The following LIPE variants were observed in gnomAD, a reference collection of about 807,000 sequenced individuals.
LIPE encodes hormone-sensitive lipase.
Under a neutral mutation model 88.5 loss-of-function variants are expected in LIPE, and 66 were observed. The observed-to-expected ratio is 0.75, with a 90% CI of 0.61 to 0.91. The LOEUF is 0.91. LIPE is among the 40% of genes least tolerant of loss of function. The pLI is 0.00. For synonymous variants in LIPE, 570 were observed against 617.5 expected, an observed-to-expected ratio of 0.92 and a Z score of 1.14; for missense variants, 1,346 against 1,434.7, an observed-to-expected ratio of 0.94 and a Z score of 1.00.
rs775743191 is a variant in LIPE, at chr19:42,410,590, G to A, written c.1136C>T (p.Thr379Ile). 3 of 1,613,372 alleles carry A rather than the reference G, an allele frequency of 1.9e-6. No individual in the cohort carries two copies. The East Asian group carries it at 6.7e-5, about 36-fold the overall frequency. Residue 379 changes from threonine to isoleucine, a missense_variant, in exon 2 of 10, where the codon ACA becomes ATA. Transcript: ENST00000244289. This position sits in a 1 kb window ranked among gnomAD's most constrained non-coding sequence, Gnocchi z 6.1. Reference sequence around the variant, plus strand: ...GAGGTGCGCCAGGCAGCAGCGGGCTGTGTGCACTAGGCTGCGGTACCCGTT... The same window carrying A: ...GAGGTGCGCCAGGCAGCAGCGGGCTATGTGCACTAGGCTGCGGTACCCGTT... The part of the protein sequence containing the change: ...PANGYRSLVH[T>I]ARCCLAHLLH...
At position 42,423,527 on chromosome 19, in the gene LIPE, C is replaced by G. The variant is rs1394429320; in HGVS notation, c.883+2740G>C. On this transcript the variant is annotated intron_variant, in intron 1 of 9. Coordinates refer to ENST00000244289, the MANE Select transcript of LIPE (RefSeq NM_005357.4). ...GCCTCGGCGGGCTCCGTTCCCCCGG[C>G]CAACTCCATCAATTCCCCGCGGTCC... 5 of 1,261,276 alleles carry G rather than the reference C, an allele frequency of 4.0e-6. No individual in the cohort carries two copies. In the Admixed American group the frequency reaches 1.4e-4, roughly 34 times the overall value. The allele number at this position is 1,261,276 out of a possible 1,614,324, so 78.1% of individuals were successfully genotyped here. A position where few individuals can be genotyped will look rare whatever the true frequency, so the allele number is the denominator to read the frequency against.
chr19:42,404,287 A>G (rs777305906), intron 8 of LIPE, among the ~76,000 whole-genome samples: 2 of 150,240 alleles, frequency 1.3e-5, no homozygotes, highest in Non-Finnish European at 3.0e-5. Context: ...GCTTGAGTGC[A>G]GTGGCGTGAT....
chr19:42,405,619 G>A (rs755004917), intron 7 of LIPE, 58 bp from the exon 8 acceptor site: 12 of 1,523,024 alleles, frequency 7.9e-6, no homozygotes, highest in East Asian at 2.3e-5. Context: ...CAGTTTTAAC[G>A]CCCAGAACTT....
Position 42,407,042 on chromosome 19 carries a change from C to T in LIPE, c.2137+132G>A. 1.3e-6 allele frequency: 1 copy of T among 793,320 alleles called. No homozygotes were observed. The highest frequency in any genetic ancestry group is 1.9e-6 in the Non-Finnish European group (1 of 516,358). 49.1% of individuals were successfully genotyped at this position (793,320 alleles called of 1,614,324 possible). ...GGCTGAGGTGGAAGATTGGGCAGGA[C>T]CTGGGTGAGCAGGAGCTGGGAGGTG... is the stretch of plus-strand genomic sequence containing the variant. On this transcript the variant is annotated intron_variant, in intron 6 of 9. Coordinates refer to ENST00000244289, the MANE Select transcript of LIPE (RefSeq NM_005357.4). The surrounding 1 kb of genome is among the most constrained non-coding windows in gnomAD (Gnocchi z 5.8).
rs372514471 is a variant in LIPE at position 42,426,622 on chromosome 19, C to T, written c.528G>A (p.Thr176=). 1.5e-5 allele frequency: 25 copies of T among 1,614,202 alleles called. No individual in the cohort carries two copies. The highest frequency in any genetic ancestry group is 1.7e-4 in the Middle Eastern group (1 of 6,060). ...KREPSAPTES[T]SQETPEQSDK... is the part of the protein sequence containing the mutation. ...CTGACTGTTCAGGTGTCTCTTGGGACGTAGATTCAGTCGGGGCAGATGGCT... is the reference window on the plus strand; with the variant it reads ...CTGACTGTTCAGGTGTCTCTTGGGATGTAGATTCAGTCGGGGCAGATGGCT... Residue 176 remains threonine (T), a synonymous_variant, in exon 1 of 10, where the codon ACG becomes ACA. Coordinates refer to ENST00000244289, the MANE Select transcript of LIPE (RefSeq NM_005357.4).
rs35913880 is a variant in LIPE, at chr19:42,423,579, AG to A, written c.883+2687del. 9.0e-3 allele frequency: 10,954 copies of A among 1,220,128 alleles called. 712 individuals are homozygous for A. The African/African-American group carries it at 0.15, about 16-fold the overall frequency. The allele number at this position is 1,220,128 out of a possible 1,614,324, so 75.6% of individuals were successfully genotyped here. A position where few individuals can be genotyped will look rare whatever the true frequency, so the allele number is the denominator to read the frequency against. Reference sequence around the variant, plus strand: ...CCCGCGGGGGCCAATTCCAGCCGCGAGGCCCTGCCCGGAGGGCCAATCCTCG... The same window carrying A: ...CCCGCGGGGGCCAATTCCAGCCGCGAGCCCTGCCCGGAGGGCCAATCCTCG... On this transcript the variant is annotated intron_variant, in intron 1 of 9. Coordinates refer to ENST00000244289, the MANE Select transcript of LIPE (RefSeq NM_005357.4).
At chr19:42,404,874 T>A (rs1312822619) in intron 8 of LIPE, among the ~76,000 whole-genome samples, 6 of 152,150 alleles carry the variant, frequency 3.9e-5, no homozygotes, top group Admixed American at 6.5e-5. Context: ...ACTCTTTTTT[T>A]AAATTTTTTT....
Position 42,407,476 on chromosome 19 carries a change from T to C in LIPE, c.1843-8A>G. ...GCTGAGCTCCTCACTGTCCTGGGGG[T>C]GAGGAGGGAGACGGTGTGTGAGGTT... is the stretch of plus-strand genomic sequence containing the variant. On this transcript the variant is annotated splice_region_variant and splice_polypyrimidine_tract_variant and intron_variant, in intron 5 of 9. Transcript: ENST00000244289. This position sits in a 1 kb window ranked among gnomAD's most constrained non-coding sequence, Gnocchi z 5.8. The C allele has an allele frequency of 6.2e-7, 1 of 1,605,286 alleles. No homozygotes were observed. The highest frequency in any genetic ancestry group is 1.1e-5 in the South Asian group (1 of 90,504).
At position 42,407,601 on chromosome 19, in the gene LIPE, C is replaced by G. The variant is rs1424817351; in HGVS notation, c.1842+5G>C. On this transcript the variant is annotated splice_donor_5th_base_variant and intron_variant, in intron 5 of 9. Transcript: ENST00000244289. The surrounding 1 kb of genome is among the most constrained non-coding windows in gnomAD (Gnocchi z 5.8). ...CCCTGTCCCTGGCTGAGGCTGGAACCCTACCTGTCCTTCACGCAGGTCATA... is the reference window on the plus strand; with the variant it reads ...CCCTGTCCCTGGCTGAGGCTGGAACGCTACCTGTCCTTCACGCAGGTCATA... 6.2e-7 allele frequency: 1 copy of G among 1,602,522 alleles called. No homozygotes were observed. The highest frequency in any genetic ancestry group is 1.1e-5 in the South Asian group (1 of 89,468).
At position 42,410,740 on chromosome 19, in the gene LIPE, TC is replaced by T; in HGVS notation, c.985del (p.Glu329LysfsTer48). The T allele has an allele frequency of 6.2e-7, 1 of 1,613,736 alleles. No individual in the cohort carries two copies. The highest frequency in any genetic ancestry group is 8.5e-7 in the Non-Finnish European group (1 of 1,179,708). On this transcript the variant is annotated frameshift_variant, in exon 2 of 10. Transcript: ENST00000244289. LOFTEE classifies it high-confidence loss of function. The surrounding 1 kb of genome is among the most constrained non-coding windows in gnomAD (Gnocchi z 6.1). ...AACGCCTGACAGCCGCTGGGCCGTT[TC>T]CCCAGGACCCTGGCTCGAGAAGAAG... ...IAFFSSQGPG[E>X]TAQRLSGVFA...
intron 1 of LIPE, chr19:42,423,362 T>C (rs1325344312): frequency 1.3e-5 from 16 of 1,248,604 alleles, no homozygotes; most frequent in African/African-American, 1.5e-5. Flanking sequence ...CTGTCCCCAC[T>C]GCCCCGTAGG....
At chr19:42,418,995 G>A (rs1405482166) in intron 1 of LIPE, among the ~76,000 whole-genome samples, 1 of 151,974 alleles carries the variant, frequency 6.6e-6, no homozygotes, top group Non-Finnish European at 1.5e-5. Context: ...ATGAGGAGTG[G>A]GGGCCGGGCG....
chr19:42,416,278 T>A (rs1446149270), intron 1 of LIPE, among the ~76,000 whole-genome samples: 2 of 151,556 alleles, frequency 1.3e-5, no homozygotes, highest in Non-Finnish European at 2.9e-5. Flanking sequence ...TGGGAGGCGG[T>A]GGTTGCAGTG....
At chr19:42,402,260 G>A (rs1219531042) in intron 9 of LIPE, among the ~76,000 whole-genome samples, 185 bp from the exon 10 acceptor site, 1 of 152,046 alleles carries the variant, frequency 6.6e-6, no homozygotes, top group African/African-American at 2.4e-5. Context: ...GGGGAGTTGT[G>A]GGAAGGATGG....
intron 1 of LIPE, chr19:42,424,242 C>G (rs893830180): frequency 1.6e-6 from 1 of 639,456 alleles, no homozygotes; most frequent in Non-Finnish European, 2.5e-6. Context: ...GGCGCCTGCG[C>G]ACTAGCTTCA....
chr19:42,402,900 G>A lies in LIPE; in HGVS notation c.2674C>T (p.Pro892Ser), dbSNP rs1417766058. The change falls in exon 9 of 10, where the codon CCC becomes TCC. Residue 892 changes from proline to serine, a missense_variant. Transcript: ENST00000244289. ...RGNSETSSDT[P>S]EMSLSAETLS... is the part of the protein sequence containing the mutation. ...GTCTCAGCTGACAGCGACATCTCGGGGGTGTCCGACGACGTCTCGGAGTTT... is the reference window on the plus strand; with the variant it reads ...GTCTCAGCTGACAGCGACATCTCGGAGGTGTCCGACGACGTCTCGGAGTTT... The A allele has an allele frequency of 6.2e-6, 10 of 1,613,118 alleles. No homozygotes were observed. The highest frequency in any genetic ancestry group is 6.8e-6 in the Non-Finnish European group (8 of 1,179,958).
chr19:42,423,362 T>G, intron 1 of LIPE: 7 of 1,248,722 alleles, frequency 5.6e-6, no homozygotes, highest in Non-Finnish European at 7.4e-6. Flanking sequence ...CTGTCCCCAC[T>G]GCCCCGTAGG....
Position 42,407,654 on chromosome 19 carries a change from AGGGCCTGTGT to A in LIPE, c.1784_1793del (p.His595LeufsTer25). On this transcript the variant is annotated frameshift_variant, in exon 5 of 10. Coordinates refer to ENST00000244289, the MANE Select transcript of LIPE (RefSeq NM_005357.4). LOFTEE classifies it high-confidence loss of function. The surrounding 1 kb of genome is among the most constrained non-coding windows in gnomAD (Gnocchi z 5.8). Reference sequence around the variant, plus strand: ...AGATGAGCCTGACGAGGACGGGCCCAGGGCCTGTGTGGGCCAGTGGGGGTGAGATGGTGAC... The same window carrying A: ...AGATGAGCCTGACGAGGACGGGCCCAGGGCCAGTGGGGGTGAGATGGTGAC... The A allele has an allele frequency of 6.2e-7, 1 of 1,610,796 alleles. No homozygotes were observed.
At chr19:42,423,791 G>A (rs559803367) in intron 1 of LIPE, 6 of 1,109,766 alleles carry the variant, frequency 5.4e-6, no homozygotes, top group South Asian at 2.1e-5. Flanking sequence ...GGCAACCCCG[G>A]GGGTGGCGAA....
Sources: gnomAD v4.1 joint callset for allele counts (sites outside exome capture counted in the v4.1 genomes callset) on GRCh38, gnomAD v4.1.1 for gene constraint, Gnocchi (gnomAD v3.1) non-coding constraint, MANE v1.5 for transcripts, NCBI Gene and HGNC (gene_info 2026-07-23, HGNC 2026-07-21) for gene names.